NRG1: variants seen among roughly 807,000 people sequenced by gnomAD.
NRG1 encodes pro-neuregulin-1, membrane-bound isoform.
NRG1 carries 18 observed loss-of-function variants against 63.8 expected under a neutral mutation model. That is an observed-to-expected ratio of 0.28 (90% confidence interval 0.19 to 0.42). The LOEUF is 0.42. Among genes scored for constraint, NRG1 ranks in the 10% least tolerant of loss-of-function variants. The pLI is 1.00. For synonymous variants in NRG1, 302 were observed against 301.3 expected, an observed-to-expected ratio of 1.00 and a Z score of -0.02; for missense variants, 762 against 814.7, an observed-to-expected ratio of 0.94 and a Z score of 0.79.
At chr8:31,800,424 T>G (rs1821648731) in intron 1 of NRG1, among the ~76,000 whole-genome samples, 1 of 152,198 alleles carries the variant, frequency 6.6e-6, no homozygotes, top group Non-Finnish European at 1.5e-5. Context: ...AAGTTGTACG[T>G]GCTTGAGTGT....
At chr8:31,923,430 A>G (rs1175055773) in intron 1 of NRG1, among the ~76,000 whole-genome samples, 2 of 152,136 alleles carry the variant, frequency 1.3e-5, no homozygotes, top group Non-Finnish European at 2.9e-5. Context: ...AGTTTTTTCT[A>G]ATAATACCCT....
chr8:32,609,017 C>T (rs796083309), intron 3 of NRG1, among the ~76,000 whole-genome samples: 1 of 152,148 alleles, frequency 6.6e-6, no homozygotes, highest in African/African-American at 2.4e-5. Flanking sequence ...TCTGGTCATA[C>T]GTCCACTGCT....
chr8:31,730,309 G>A (rs1040170219), intron 1 of NRG1, among the ~76,000 whole-genome samples: 1 of 152,052 alleles, frequency 6.6e-6, no homozygotes, highest in Non-Finnish European at 1.5e-5. Flanking sequence ...TGTTGTTAGT[G>A]CGTGTGGACC....
chr8:32,669,249 A>G (rs746365928), intron 5 of NRG1, among the ~76,000 whole-genome samples: 2 of 152,206 alleles, frequency 1.3e-5, no homozygotes, highest in African/African-American at 2.4e-5. Flanking sequence ...AGAATAAAGC[A>G]TGTATACCTC....
intron 1 of NRG1, among the ~76,000 whole-genome samples, chr8:32,180,844 C>T (rs1407209060): frequency 6.6e-6 from 1 of 151,946 alleles, no homozygotes; most frequent in Non-Finnish European, 1.5e-5. Context: ...TGTAAATAGT[C>T]CTCTTAGAAT....
intron 1 of NRG1, among the ~76,000 whole-genome samples, chr8:32,211,797 T>C (rs1485683904): frequency 6.6e-6 from 1 of 152,242 alleles, no homozygotes; most frequent in Non-Finnish European, 1.5e-5. Flanking sequence ...TACTTAAATT[T>C]GCCAATCTTT....
At chr8:32,073,443 A>G (rs1294408724) in intron 1 of NRG1, among the ~76,000 whole-genome samples, 2 of 152,258 alleles carry the variant, frequency 1.3e-5, no homozygotes, top group South Asian at 2.1e-4. Flanking sequence ...AGCAGACTTC[A>G]TCCTTAAAAA....
rs151029649 is a variant in NRG1, at chr8:32,124,656, A to G, written c.38-471172A>G. 2.6e-4 allele frequency among the ~76,000 whole-genome samples: 39 copies of G among 151,976 alleles called. No homozygotes were observed. In the East Asian group the frequency reaches 7.0e-3, roughly 27 times the overall value. ...TTTGATGTACCAGGCCATTCACTGTATCTATAACGTGAATTTTTGCCCCTA... is the reference window on the plus strand; with the variant it reads ...TTTGATGTACCAGGCCATTCACTGTGTCTATAACGTGAATTTTTGCCCCTA... On this transcript the variant is annotated intron_variant, in intron 1 of 10. Coordinates refer to the NRG1 transcript ENST00000519301.
chr8:32,189,360 T>C (rs1363401508), intron 1 of NRG1, among the ~76,000 whole-genome samples: 2 of 152,212 alleles, frequency 1.3e-5, no homozygotes, highest in African/African-American at 4.8e-5. Flanking sequence ...TGTGTTAATT[T>C]GCTTATCAAC....
intron 1 of NRG1, among the ~76,000 whole-genome samples, chr8:32,053,952 T>G (rs1822416555): frequency 6.6e-6 from 1 of 152,208 alleles, no homozygotes; most frequent in South Asian, 2.1e-4. Flanking sequence ...TTTTCCTGAT[T>G]ACAGAAGTAG....
chr8:32,254,984 A>T (rs1267469112), intron 1 of NRG1, among the ~76,000 whole-genome samples: 4 of 152,094 alleles, frequency 2.6e-5, no homozygotes, highest in African/African-American at 9.7e-5. Context: ...TATTGATTTG[A>T]AGTCTGTTTT....
rs1479837441 is a variant in NRG1 at position 32,312,165 on chromosome 8, T to G, written c.38-283663T>G. Among the ~76,000 whole-genome samples the G allele has an allele frequency of 9.1e-5, 12 of 131,280 alleles. 1 individual carries two copies. The highest frequency in any genetic ancestry group is 3.4e-4 in the African/African-American group (12 of 34,984). 86.1% of individuals were successfully genotyped at this position (131,280 alleles called of 152,430 possible). ...ATTATTTGACCTTGTTTGTTTTTTT[T>G]TTTTTTTTTTTTTTTGAGACAGAGG... On this transcript the variant is annotated intron_variant, in intron 1 of 10. Transcript: ENST00000519301.
chr8:32,327,415 A>G (rs1440725842), intron 1 of NRG1, among the ~76,000 whole-genome samples: 4 of 152,220 alleles, frequency 2.6e-5, no homozygotes, highest in Non-Finnish European at 4.4e-5. Flanking sequence ...TGCTTCTGCC[A>G]TGGAAAGTTA....
chr8:32,525,845 T>G (rs915584195), intron 1 of NRG1, among the ~76,000 whole-genome samples: 3 of 152,174 alleles, frequency 2.0e-5, no homozygotes, highest in Admixed American at 1.3e-4. Context: ...AGCATAGATT[T>G]CAGCATTTGT....
At chr8:32,016,616 C>G (rs1162414911) in intron 1 of NRG1, among the ~76,000 whole-genome samples, 2 of 152,038 alleles carry the variant, frequency 1.3e-5, no homozygotes, top group Admixed American at 1.3e-4. Flanking sequence ...TTAATACTTT[C>G]TTAGGATGAT....
At chr8:32,134,925 A>G (rs1487304625) in intron 1 of NRG1, among the ~76,000 whole-genome samples, 1 of 152,286 alleles carries the variant, frequency 6.6e-6, no homozygotes, top group African/African-American at 2.4e-5. Context: ...TGACCTGAGA[A>G]TAACTAGATA....
chr8:32,216,162 A>G (rs540847304), intron 1 of NRG1, among the ~76,000 whole-genome samples: 2 of 150,524 alleles, frequency 1.3e-5, no homozygotes, highest in Non-Finnish European at 3.0e-5. Context: ...AATATTTCTA[A>G]TTATCGTATA....
intron 1 of NRG1, among the ~76,000 whole-genome samples, chr8:31,867,855 T>C (rs1230216972): frequency 6.6e-6 from 1 of 152,178 alleles, no homozygotes; most frequent in Non-Finnish European, 1.5e-5. Context: ...AATCTGTGTA[T>C]GTATTTTATA....
intron 1 of NRG1, among the ~76,000 whole-genome samples, chr8:31,879,350 C>A (rs1473340746): frequency 6.6e-6 from 1 of 152,120 alleles, no homozygotes; most frequent in Non-Finnish European, 1.5e-5. Flanking sequence ...CTGTTTAAGT[C>A]TTGTAAGACT....
Sources: gnomAD v4.1 joint callset for allele counts (sites outside exome capture counted in the v4.1 genomes callset) on GRCh38, gnomAD v4.1.1 for gene constraint, MANE v1.5 for transcripts, NCBI Gene and HGNC (gene_info 2026-07-23, HGNC 2026-07-21) for gene names.